The following SYNJ2 variants were observed in gnomAD, a reference collection of about 807,000 sequenced individuals.
SYNJ2 encodes polyphosphatidylinositol phosphatase SYNJ2.
Under a neutral mutation model 141.3 loss-of-function variants are expected in SYNJ2, and 116 were observed. The ratio of observed to expected loss-of-function variants is 0.82; its 90% CI spans 0.71 to 0.96. SYNJ2 has a LOEUF of 0.96. Among genes scored for constraint, SYNJ2 ranks in the 40% least tolerant of loss-of-function variants. SYNJ2 has a pLI of 0.00. For missense variants in SYNJ2, 1,873 were observed against 1,934.8 expected, an observed-to-expected ratio of 0.97 and a Z score of 0.60; for synonymous variants, 745 against 777.7, an observed-to-expected ratio of 0.96 and a Z score of 0.70.
Position 158,098,158 on chromosome 6 carries a change from CA to C in SYNJ2, c.*1799del, listed in dbSNP as rs1311943259. On this transcript the variant is annotated 3_prime_UTR_variant, in exon 27 of 27. Coordinates refer to ENST00000355585, the MANE Select transcript of SYNJ2 (RefSeq NM_003898.4). ...TTTTCCCTATAACCTCTTTTCTCAC[CA>C]AAAAGGAGATAAATTTGAAAACAGA... 3 of 152,058 alleles carry C rather than the reference CA, an allele frequency of 2.0e-5. No homozygotes were observed. Among genetic ancestry groups the C allele is most frequent in the Non-Finnish European group, 4.4e-5 (3 of 68,006 alleles). 9.4% of individuals were successfully genotyped at this position (152,058 alleles called of 1,614,324 possible).
intron 7 of SYNJ2, among the ~76,000 whole-genome samples, chr6:158,060,988 A>G (rs922160429): frequency 2.0e-5 from 3 of 152,254 alleles, no homozygotes; most frequent in Non-Finnish European, 4.4e-5. Context: ...CCCAATGGCC[A>G]TCAGTCCTGC....
rs139726002 is a variant in SYNJ2, at chr6:158,000,736, C to G, written c.128-16468C>G. On this transcript the variant is annotated intron_variant, in intron 1 of 26. Transcript: ENST00000355585. ...TGACCTACCCGCACCGCACTGTGGT[C>G]GGCCTCTTCTTTGAACACTTCCCTT... Among the ~76,000 whole-genome samples the G allele has an allele frequency of 3.2e-3, 491 of 152,170 alleles. 3 individuals are homozygous for G. Among genetic ancestry groups the G allele is most frequent in the African/African-American group, 0.011 (470 of 41,496 alleles).
intron 2 of SYNJ2, among the ~76,000 whole-genome samples, chr6:158,024,587 T>G (rs1778938960): frequency 6.6e-6 from 1 of 152,232 alleles, no homozygotes; most frequent in Admixed American, 6.5e-5. Context: ...AGTGTTTTAT[T>G]TACATTGTAT....
chr6:158,028,481 C>T (rs1779179584), intron 2 of SYNJ2: 1 of 501,826 alleles, frequency 2.0e-6, no homozygotes, highest in African/African-American at 1.9e-5. Context: ...CCCCCAGCCT[C>T]AGGCAGCTGG....
intron 16 of SYNJ2, among the ~76,000 whole-genome samples, chr6:158,075,166 A>C (rs999194158): frequency 6.7e-6 from 1 of 148,442 alleles, no homozygotes; most frequent in Non-Finnish European, 1.5e-5. Context: ...TCCTGGCCTC[A>C]GGTGATCTGT....
intron 13 of SYNJ2, 54 bp downstream of exon 13, chr6:158,068,782 G>C: frequency 2.5e-6 from 4 of 1,597,076 alleles, no homozygotes; most frequent in Non-Finnish European, 3.4e-6. Flanking sequence ...CAGGTGCCTG[G>C]CTGGGAGCAG....
chr6:158,045,520 T>C (rs1780191929), intron 5 of SYNJ2, among the ~76,000 whole-genome samples: 1 of 152,308 alleles, frequency 6.6e-6, no homozygotes, highest in South Asian at 2.1e-4. Context: ...CTGCTGCGTC[T>C]GTCTGACTCT....
At chr6:157,994,499 T>G (rs191847115) in intron 1 of SYNJ2, among the ~76,000 whole-genome samples, 104 of 152,348 alleles carry the variant, frequency 6.8e-4, no homozygotes, top group Admixed American at 5.2e-3. Context: ...CAGGCCCTTG[T>G]AACAAGGCCC....
intron 4 of SYNJ2, among the ~76,000 whole-genome samples, chr6:158,037,148 A>T (rs1779680014): frequency 6.6e-6 from 1 of 152,106 alleles, no homozygotes. Context: ...AAAACAACAC[A>T]CTTATTCTCT....
In SYNJ2 at chr6:157,981,883, GC is replaced by G. The variant is rs1389020836; in HGVS notation, c.-78del. The G allele has an allele frequency of 5.1e-6, 6 of 1,183,152 alleles. No homozygotes were observed. Among genetic ancestry groups the G allele is most frequent in the Non-Finnish European group, 2.1e-6 (2 of 946,992 alleles). 73.3% of individuals were successfully genotyped at this position (1,183,152 alleles called of 1,614,324 possible). A position where few individuals can be genotyped will look rare whatever the true frequency, so the allele number is the denominator to read the frequency against. Reference sequence around the variant, plus strand: ...AAAGTGAAACTCTGGCAAGTTGCGGGCGCGCGGGGAGCTGTCGCGGGCAGCG... The same window carrying G: ...AAAGTGAAACTCTGGCAAGTTGCGGGGCGCGGGGAGCTGTCGCGGGCAGCG... On this transcript the variant is annotated 5_prime_UTR_variant, in exon 1 of 27. Transcript: ENST00000355585. The surrounding 1 kb of genome is among the most constrained non-coding windows in gnomAD (Gnocchi z 6.4).
In SYNJ2 at chr6:158,063,613, C is replaced by T. The variant is rs899747529; in HGVS notation, c.1128-178C>T. 3.2e-5 allele frequency among the ~76,000 whole-genome samples: 4 copies of T among 124,458 alleles called. No homozygotes were observed. The East Asian group carries it at 7.4e-4, about 23-fold the overall frequency. 81.6% of individuals were successfully genotyped at this position (124,458 alleles called of 152,430 possible). On this transcript the variant is annotated intron_variant, in intron 8 of 26. Coordinates refer to ENST00000355585, the MANE Select transcript of SYNJ2 (RefSeq NM_003898.4). ...GGCGGAGGTTGCAGTGAGCCGAGAT[C>T]ATGCCATTGCACTCCAGCTTGGGTG... is the stretch of plus-strand genomic sequence containing the variant.
At chr6:158,058,428 A>G (rs1406480684) in intron 6 of SYNJ2, among the ~76,000 whole-genome samples, 1 of 152,262 alleles carries the variant, frequency 6.6e-6, no homozygotes, top group African/African-American at 2.4e-5. Flanking sequence ...ACATATTTAG[A>G]AAGTAGCTTC....
At chr6:158,037,636 C>T (rs568926508) in intron 4 of SYNJ2, among the ~76,000 whole-genome samples, 1 of 152,150 alleles carries the variant, frequency 6.6e-6, no homozygotes, top group Non-Finnish European at 1.5e-5. Context: ...CTCCTGACCT[C>T]GTGATCTGCC....
At chr6:158,060,359 C>T (rs1228124716) in intron 7 of SYNJ2, among the ~76,000 whole-genome samples, 2 of 152,226 alleles carry the variant, frequency 1.3e-5, no homozygotes, top group African/African-American at 4.8e-5. Context: ...CCCTGCTCCC[C>T]AGGCGCAAGA....
intron 5 of SYNJ2, among the ~76,000 whole-genome samples, chr6:158,046,220 A>C (rs926042670): frequency 3.3e-5 from 5 of 152,130 alleles, no homozygotes; most frequent in African/African-American, 1.2e-4. Flanking sequence ...TGCTAGGATT[A>C]CAGGCGTGAG....
At chr6:158,036,149 C>CGTGAATATTATTTGACTTGT (rs1779625481) in intron 4 of SYNJ2, among the ~76,000 whole-genome samples, 3 of 152,098 alleles carry the variant, frequency 2.0e-5, no homozygotes, top group East Asian at 1.9e-4. Context: ...ATTTGACTTG[C>CGTGAATATTATTTGACTTGT]GTGAATATTA....
At chr6:158,020,403 C>T (rs112310749) in intron 2 of SYNJ2, among the ~76,000 whole-genome samples, 3 of 146,916 alleles carry the variant, frequency 2.0e-5, no homozygotes, top group Non-Finnish European at 4.5e-5. Context: ...TGACTTCAAC[C>T]GTGTGACCCC....
intron 1 of SYNJ2, among the ~76,000 whole-genome samples, chr6:158,013,201 C>T (rs1197199058): frequency 5.9e-5 from 9 of 152,060 alleles, no homozygotes; most frequent in South Asian, 2.1e-4. Context: ...GGCAACATGG[C>T]GAAATGCCGT....
At chr6:158,082,772 G>A (rs1782781161) in intron 20 of SYNJ2, among the ~76,000 whole-genome samples, 2 of 152,180 alleles carry the variant, frequency 1.3e-5, no homozygotes, top group South Asian at 2.1e-4. Flanking sequence ...TGTAGTTCTC[G>A]CCGAGTTACT....
Sources: gnomAD v4.1 joint callset for allele counts (sites outside exome capture counted in the v4.1 genomes callset) on GRCh38, gnomAD v4.1.1 for gene constraint, Gnocchi (gnomAD v3.1) non-coding constraint, MANE v1.5 for transcripts, NCBI Gene and HGNC (gene_info 2026-07-23, HGNC 2026-07-21) for gene names.